Variants in CEP152 observed in about 807,000 individuals in gnomAD.
The protein encoded by CEP152 is centrosomal protein of 152 kDa.
A neutral mutation model predicts 188.9 loss-of-function variants in CEP152; 132 were observed. The observed-to-expected ratio is 0.70, with a 90% CI of 0.61 to 0.81. The LOEUF (loss-of-function observed/expected upper bound fraction) is 0.81, where lower values mean the gene tolerates loss of function less well. Ranked by LOEUF, CEP152 falls within the 30% of genes least tolerant of loss-of-function variation. The pLI, the probability that CEP152 is intolerant of heterozygous loss-of-function variation, is 0.00. For missense variants in CEP152, 1,914 were observed against 1,969.8 expected (o/e 0.97, Z 0.54); for synonymous variants, 649 against 666.6 (o/e 0.97, Z 0.41).
intron 12 of CEP152, among the ~76,000 whole-genome samples, chr15:48,776,829 A>C (rs1895944330): frequency 6.6e-6 from 1 of 152,094 alleles, no homozygotes; most frequent in Admixed American, 6.5e-5. Context: ...AGGTGAGATT[A>C]TTGGTGACTT....
chr15:48,783,346 G>C (rs898052672), intron 10 of CEP152: 1 of 152,128 alleles, frequency 6.6e-6, no homozygotes, highest in Admixed American at 6.5e-5. Context: ...TGACAAAAAT[G>C]TAACTCTCTG....
chr15:48,788,879 G>T lies in CEP152; in HGVS notation c.1095C>A (p.Gly365=). The T allele has an allele frequency of 2.5e-6, 4 of 1,614,086 alleles. No homozygotes were observed. The highest frequency in any genetic ancestry group is 1.7e-6 in the Non-Finnish European group (2 of 1,180,014). The change falls in exon 9 of 27, where the codon GGC becomes GGA. Residue 365 remains glycine (G), a synonymous_variant. Transcript: ENST00000380950. ...AREQHESIVM[G]LTKKYEEQVL... The stretch of plus-strand genomic sequence containing the variant: ...CTTGCTCTTCGTACTTCTTTGTGAG[G>T]CCCATAACAATGCTCTCATGCTGTT...
At chr15:48,740,064 T>C (rs966251) in intron 26 of CEP152, among the ~76,000 whole-genome samples, 2,025 of 152,296 alleles carry the variant, frequency 0.013, 23 homozygotes, top group Admixed American at 0.021. Flanking sequence ...AAGAACCCCA[T>C]TTCCCCACTG....
downstream of CEP152, among the ~76,000 whole-genome samples, chr15:48,735,601 G>A (rs960148564): frequency 1.1e-4 from 16 of 152,278 alleles, no homozygotes; most frequent in South Asian, 4.1e-4. Context: ...TGGGCATGGC[G>A]GCACACGCCT....
rs1173753399 is a variant in CEP152, at chr15:48,772,665, T to G, written c.1604A>C (p.Glu535Ala). 3 of 1,613,966 alleles carry G rather than the reference T, an allele frequency of 1.9e-6. No individual in the cohort carries two copies. The highest frequency in any genetic ancestry group is 2.7e-5 in the African/African-American group (2 of 74,940). ...TSIVQEEDPN[E>A]ELSKDEFILK... ...AATGAACTCATCTTTTGAAAGCTCT[T>G]CATTTGGGTCTTCTTCTTGTACAAT... The change falls in exon 13 of 27, where the codon GAA (glutamate) becomes GCA (alanine). Residue 535 changes from glutamate to alanine, a missense_variant. Physicochemically the swap from Glu to Ala is moderately radical, Grantham distance 107. Transcript: ENST00000380950.
In CEP152 at chr15:48,796,773, C is replaced by T. The variant is rs374831029; in HGVS notation, c.540+528G>A. ...CCTGAGGTCTTACTTCATTAAACTC[C>T]CCCCCAGGAAAAACAAGGTTTTTTG... On this transcript the variant is annotated intron_variant, in intron 5 of 26. Coordinates refer to ENST00000380950, the MANE Select transcript of CEP152 (RefSeq NM_001194998.2). Among the ~76,000 whole-genome samples, 52 of 151,932 alleles carry T rather than the reference C, an allele frequency of 3.4e-4. 1 individual carries two copies. In the East Asian group the frequency reaches 9.9e-3, roughly 29 times the overall value.
intron 2 of CEP152, chr15:48,729,436 C>T (rs970828621): frequency 6.6e-6 from 1 of 152,114 alleles, no homozygotes; most frequent in African/African-American, 2.4e-5. Context: ...ATTCAAGAGG[C>T]TGAGCGGGGA....
At chr15:48,810,206 A>G (rs529067057) in intron 1 of CEP152, 1 of 152,362 alleles carries the variant, frequency 6.6e-6, no homozygotes, top group South Asian at 2.1e-4. Context: ...TGGAGTTGGG[A>G]AATTCTACTT....
downstream of CEP152, among the ~76,000 whole-genome samples, chr15:48,735,676 A>G (rs1356581364): frequency 6.6e-6 from 1 of 152,208 alleles, no homozygotes; most frequent in East Asian, 1.9e-4. Context: ...CGGAGGTTGC[A>G]ATGAGCCAAG....
Position 48,760,269 on chromosome 15 carries a change from G to A in CEP152, c.2563-3C>T, listed in dbSNP as rs751996192. Reference sequence around the variant, plus strand: ...GCATTTTGCACAGCTATTTCTACCTGTAGGACATTGCAAAAGAAAGAGGTA... The same window carrying A: ...GCATTTTGCACAGCTATTTCTACCTATAGGACATTGCAAAAGAAAGAGGTA... On this transcript the variant is annotated splice_region_variant and splice_polypyrimidine_tract_variant and intron_variant, in intron 18 of 26. Coordinates refer to ENST00000380950, the MANE Select transcript of CEP152 (RefSeq NM_001194998.2). 4 of 1,613,886 alleles carry A rather than the reference G, an allele frequency of 2.5e-6. No individual in the cohort carries two copies. Among genetic ancestry groups the A allele is most frequent in the African/African-American group, 2.7e-5 (2 of 75,022 alleles).
At chr15:48,804,934 C>T (rs1186257316) in intron 2 of CEP152, among the ~76,000 whole-genome samples, 2 of 152,210 alleles carry the variant, frequency 1.3e-5, no homozygotes, top group Non-Finnish European at 2.9e-5. Flanking sequence ...GGGGTCTCTT[C>T]CCAACTTCCC....
Position 48,756,296 on chromosome 15 carries a change from A to G in CEP152, c.2952T>C (p.Asp984=). The change falls in exon 20 of 27, where the codon GAT becomes GAC. Residue 984 remains aspartate (D), a synonymous_variant. Coordinates refer to ENST00000380950, the MANE Select transcript of CEP152 (RefSeq NM_001194998.2). ...QNEQDYRQFL[D]DHRNKINEVL... ...CCTCATTAATTTTATTTCGGTGATC[A>G]TCTAAAAATTGCCGGTAATCTTGCT... The G allele has an allele frequency of 6.3e-7, 1 of 1,576,626 alleles. No homozygotes were observed. The highest frequency in any genetic ancestry group is 8.6e-7 in the Non-Finnish European group (1 of 1,164,538).
chr15:48,756,192 C>T lies in CEP152; in HGVS notation c.3056G>A (p.Cys1019Tyr). The change falls in exon 20 of 27, where the codon TGT (cysteine) becomes TAT (tyrosine). Residue 1019 changes from cysteine (C) to tyrosine (Y), a missense_variant. Transcript: ENST00000380950. ...CCATTCTCTACGACTCTGGTCTAGA[C>T]AAGTTTGTAATTCTGTCTCCTTCTG... ...LLQKETELQT[C>Y]LDQSRREWTM... 6.2e-7 allele frequency: 1 copy of T among 1,613,984 alleles called. No individual in the cohort carries two copies. Among genetic ancestry groups the T allele is most frequent in the Non-Finnish European group, 8.5e-7 (1 of 1,179,950 alleles).
rs932667093 is a variant in CEP152, at chr15:48,768,944, AT to A, written c.1908+11del. 2 of 1,460,574 alleles carry A rather than the reference AT, an allele frequency of 1.4e-6. No individual in the cohort carries two copies. Among genetic ancestry groups the A allele is most frequent in the African/African-American group, 1.4e-5 (1 of 70,594 alleles). The allele number at this position is 1,460,574 out of a possible 1,614,324, so 90.5% of individuals were successfully genotyped here. ...AAAATTCTCATAAAATATAAAAAAT[AT>A]TTTTAATCACCTGATTTTGTTGTTG... On this transcript the variant is annotated intron_variant, in intron 14 of 26. Transcript: ENST00000380950.
intron 9 of CEP152, among the ~76,000 whole-genome samples, 195 bp from the exon 10 acceptor site, chr15:48,784,315 T>C (rs1896477331): frequency 6.6e-6 from 1 of 152,208 alleles, no homozygotes; most frequent in Non-Finnish European, 1.5e-5. Flanking sequence ...TCAGTCTGTT[T>C]CTTCTTTTGT....
intron 1 of CEP152, among the ~76,000 whole-genome samples, chr15:48,808,619 C>T (rs1196870088): frequency 6.6e-6 from 1 of 151,908 alleles, no homozygotes; most frequent in Non-Finnish European, 1.5e-5. Context: ...ATGCCATTTT[C>T]AACCACTAGA....
At chr15:48,768,870 CTT>C in intron 14 of CEP152, 84 bp downstream of exon 14, 1 of 1,067,404 alleles carries the variant, frequency 9.4e-7, no homozygotes, top group South Asian at 1.6e-5. Context: ...CACATTGCCT[CTT>C]TATTTGCAAA....
intron 17 of CEP152, 69 bp from the exon 18 acceptor site, chr15:48,762,741 A>G: frequency 6.8e-7 from 1 of 1,479,804 alleles, no homozygotes. Context: ...ATTAAAAGCT[A>G]GCCAGAAAAG....
downstream of CEP152, among the ~76,000 whole-genome samples, chr15:48,733,041 A>G (rs1267696901): frequency 6.6e-6 from 1 of 152,148 alleles, no homozygotes; most frequent in Non-Finnish European, 1.5e-5. Flanking sequence ...CCATGACTGC[A>G]CCACTGTACT....
Sources: allele counts gnomAD v4.1 joint callset (sites outside exome capture counted in the v4.1 genomes callset), GRCh38; gene constraint gnomAD v4.1.1; transcripts MANE v1.5; gene names NCBI Gene and HGNC (gene_info 2026-07-23, HGNC 2026-07-21).